The following JAKMIP1 variants were observed in gnomAD, a reference collection of about 807,000 sequenced individuals.
The protein encoded by JAKMIP1 is janus kinase and microtubule interacting protein 1.
A neutral mutation model predicts 113.0 loss-of-function variants in JAKMIP1; 33 were observed. That is an observed-to-expected ratio of 0.29 (90% CI 0.22 to 0.39). JAKMIP1 has a LOEUF of 0.39. Ranked by LOEUF, JAKMIP1 falls within the 10% of genes least tolerant of loss-of-function variation. The pLI, the probability that JAKMIP1 is intolerant of heterozygous loss-of-function variation, is 1.00. For missense variants in JAKMIP1, 813 were observed against 1,080.5 expected, an observed-to-expected ratio of 0.75 and a Z score of 3.47; for synonymous variants, 480 against 459.9, an observed-to-expected ratio of 1.04 and a Z score of -0.56.
chr4:6,092,393 C>T (rs1221264653), intron 3 of JAKMIP1, among the ~76,000 whole-genome samples: 2 of 152,198 alleles, frequency 1.3e-5, no homozygotes, highest in African/African-American at 2.4e-5. Context: ...GCTTGTGTAC[C>T]GATGCCCAGA....
chr4:6,179,642 G>A lies in JAKMIP1; in HGVS notation c.-148+20611C>T, dbSNP rs150232323. Among the ~76,000 whole-genome samples, 517 of 152,318 alleles carry A rather than the reference G, an allele frequency of 3.4e-3. 8 individuals carry two copies. Among genetic ancestry groups the A allele is most frequent in the African/African-American group, 0.012 (484 of 41,556 alleles). On this transcript the variant is annotated intron_variant, in intron 1 of 20. Coordinates refer to ENST00000409021, the MANE Select transcript of JAKMIP1 (RefSeq NM_001099433.2). This position sits in a 1 kb window ranked among gnomAD's most constrained non-coding sequence, Gnocchi z 4.5. ...AGGGAAGTGGCCCAGCAGTGGCCCT[G>A]AGTCAGGCTGCATGGGTCTCTTGGG...
rs114013119 is a variant in JAKMIP1 at position 6,153,974 on chromosome 4, C to T, written c.-147-40977G>A. 7.4e-3 allele frequency among the ~76,000 whole-genome samples: 1,132 copies of T among 152,330 alleles called. 4 individuals are homozygous for T. Among genetic ancestry groups the T allele is most frequent in the Middle Eastern group, 0.024 (7 of 294 alleles). On this transcript the variant is annotated intron_variant, in intron 1 of 20. Transcript: ENST00000409021. This position sits in a 1 kb window ranked among gnomAD's most constrained non-coding sequence, Gnocchi z 4.9. ...TCTGGATCCTGCCTCTTACTTGTCA[C>T]AGAGTCTGCCCAGGTCTTGTATGCG...
Position 6,195,619 on chromosome 4 carries a change from G to A in JAKMIP1, c.-148+4634C>T, listed in dbSNP as rs138475445. ...CCCCACAAAAGAACATGGGCTTCTT[G>A]GCTTCAAATCCCTGCTCTGGAACAT... On this transcript the variant is annotated intron_variant, in intron 1 of 20. Transcript: ENST00000409021. Among the ~76,000 whole-genome samples, 1,234 of 152,196 alleles carry A rather than the reference G, an allele frequency of 8.1e-3. 5 individuals carry two copies. The highest frequency in any genetic ancestry group is 0.012 in the Non-Finnish European group (824 of 68,002).
chr4:6,080,060 A>G lies in JAKMIP1; in HGVS notation c.1242+112T>C, dbSNP rs1720277647. The G allele has an allele frequency of 1.6e-6, 2 of 1,280,192 alleles. No homozygotes were observed. The highest frequency in any genetic ancestry group is 1.1e-6 in the Non-Finnish European group (1 of 942,590). The allele number at this position is 1,280,192 out of a possible 1,614,324, so 79.3% of individuals were successfully genotyped here. The stretch of plus-strand genomic sequence containing the variant: ...TGAGTCCCAAAGTCAGCACTGCCTG[A>G]CCCTGACCCAGCTCAGCAGCATCAC... On this transcript the variant is annotated intron_variant, in intron 7 of 20. Transcript: ENST00000409021. The surrounding 1 kb of genome is among the most constrained non-coding windows in gnomAD (Gnocchi z 6.0).
chr4:6,125,598 A>AACACACAC lies in JAKMIP1; in HGVS notation c.-147-12609_-147-12602dup, dbSNP rs111906803. 2.0e-3 allele frequency among the ~76,000 whole-genome samples: 220 copies of AACACACAC among 112,108 alleles called. 3 individuals are homozygous for AACACACAC. The highest frequency in any genetic ancestry group is 6.9e-3 in the African/African-American group (212 of 30,528). The allele number at this position is 112,108 out of a possible 152,430, so 73.5% of individuals were successfully genotyped here. A position where few individuals can be genotyped will look rare whatever the true frequency, so the allele number is the denominator to read the frequency against. On this transcript the variant is annotated intron_variant, in intron 1 of 20. Transcript: ENST00000409021. ...ACACACACCATACACACCATGCAGA[A>AACACACAC]ACACACACACACACACACCATACAG...
intron 1 of JAKMIP1, among the ~76,000 whole-genome samples, chr4:6,170,259 T>TCACCAC (rs764382555): frequency 1.7e-5 from 2 of 120,136 alleles, no homozygotes; most frequent in Admixed American, 8.1e-5. Flanking sequence ...CCCACCCTTC[T>TCACCAC]CACCACCACC....
chr4:6,066,966 CAT>C (rs1052501370), intron 8 of JAKMIP1, among the ~76,000 whole-genome samples: 1 of 152,168 alleles, frequency 6.6e-6, no homozygotes, highest in African/African-American at 2.4e-5. Flanking sequence ...CCAGAATCCA[CAT>C]GTCTCCTTCC....
In JAKMIP1 at chr4:6,185,331, T is replaced by C. The variant is rs1209946209; in HGVS notation, c.-148+14922A>G. Among the ~76,000 whole-genome samples, 1 of 152,124 alleles carries C rather than the reference T, an allele frequency of 6.6e-6. No homozygotes were observed. Among genetic ancestry groups the C allele is most frequent in the Non-Finnish European group, 1.5e-5 (1 of 68,028 alleles). On this transcript the variant is annotated intron_variant, in intron 1 of 20. Transcript: ENST00000409021. This position sits in a 1 kb window ranked among gnomAD's most constrained non-coding sequence, Gnocchi z 5.3. The stretch of plus-strand genomic sequence containing the variant: ...TCTTAAACTGGAGAGTGTATTGGAA[T>C]TGCTCCGAGGGCTCATTAAAAGCCA...
rs1439872205 is a variant in JAKMIP1 at position 6,144,099 on chromosome 4, G to T, written c.-147-31102C>A. 2.0e-5 allele frequency among the ~76,000 whole-genome samples: 3 copies of T among 152,128 alleles called. No individual in the cohort carries two copies. In the East Asian group the frequency reaches 5.8e-4, roughly 29 times the overall value. ...CTTTGGACAAACCATAGGCCTTTCTGGCCCCCACATCCTGTATGTTAAAAA... is the reference window on the plus strand; with the variant it reads ...CTTTGGACAAACCATAGGCCTTTCTTGCCCCCACATCCTGTATGTTAAAAA... On this transcript the variant is annotated intron_variant, in intron 1 of 20. Transcript: ENST00000409021.
chr4:6,173,334 T>G (rs1474459940), intron 1 of JAKMIP1, among the ~76,000 whole-genome samples: 1 of 152,234 alleles, frequency 6.6e-6, no homozygotes, highest in African/African-American at 2.4e-5. Flanking sequence ...AAAATTGGTC[T>G]GCAAGCAAAG....
intron 1 of JAKMIP1, among the ~76,000 whole-genome samples, chr4:6,120,804 A>G (rs1425965176): frequency 2.0e-5 from 3 of 151,986 alleles, no homozygotes; most frequent in Non-Finnish European, 4.4e-5. Context: ...CCAAGTGGAG[A>G]CTCAGAGGCT....
In JAKMIP1 at chr4:6,167,957, C is replaced by A. The variant is rs1479257921; in HGVS notation, c.-148+32296G>T. ...TCTCCCAGAGCTGACAGCATGCAGACAATGAGGAGTCCGCCCATCCTCCAC... is the reference window on the plus strand; with the variant it reads ...TCTCCCAGAGCTGACAGCATGCAGAAAATGAGGAGTCCGCCCATCCTCCAC... On this transcript the variant is annotated intron_variant, in intron 1 of 20. Transcript: ENST00000409021. The surrounding 1 kb of genome is among the most constrained non-coding windows in gnomAD (Gnocchi z 5.3). 1.3e-5 allele frequency among the ~76,000 whole-genome samples: 2 copies of A among 152,210 alleles called. No homozygotes were observed. The highest frequency in any genetic ancestry group is 2.9e-5 in the Non-Finnish European group (2 of 68,038).
intron 1 of JAKMIP1, among the ~76,000 whole-genome samples, chr4:6,125,928 A>AAC (rs144496672): frequency 2.2e-5 from 1 of 45,106 alleles, no homozygotes; most frequent in Non-Finnish European, 4.7e-5. Flanking sequence ...ACCATGCAGA[A>AAC]ACACACACAC....
chr4:6,113,027 G>T, intron 1 of JAKMIP1, 30 bp from the exon 2 acceptor site: 1 of 1,000,104 alleles, frequency 1.0e-6, no homozygotes, highest in Non-Finnish European at 1.4e-6. Flanking sequence ...TGAGTTAGCA[G>T]AGACAGAAGG....
intron 1 of JAKMIP1, among the ~76,000 whole-genome samples, chr4:6,190,725 C>T (rs1254755058): frequency 4.6e-5 from 7 of 152,348 alleles, no homozygotes; most frequent in Admixed American, 2.6e-4. Flanking sequence ...AGTTGCCCCC[C>T]GGCATCTCTC....
chr4:6,161,121 T>TCTCCCCTGATCTCCACTCAC (rs1560298176), intron 1 of JAKMIP1, among the ~76,000 whole-genome samples: 1 of 110,678 alleles, frequency 9.0e-6, no homozygotes, highest in Non-Finnish European at 1.8e-5. Flanking sequence ...TCTCCACTCA[T>TCTCCCCTGATCTCCACTCAC]CTCCCCTGAT....
At position 6,081,978 on chromosome 4, in the gene JAKMIP1, T is replaced by C. The variant is rs547521829; in HGVS notation, c.955-223A>G. On this transcript the variant is annotated intron_variant, in intron 5 of 20. Coordinates refer to ENST00000409021, the MANE Select transcript of JAKMIP1 (RefSeq NM_001099433.2). This position sits in a 1 kb window ranked among gnomAD's most constrained non-coding sequence, Gnocchi z 4.6. ...CGGCAGCTCCTGTCTCCTAGGCACA[T>C]GGTGAGAATTGAATGCATAGTGGTA... Among the ~76,000 whole-genome samples the C allele has an allele frequency of 3.3e-5, 5 of 152,290 alleles. No homozygotes were observed. The highest frequency in any genetic ancestry group is 4.8e-5 in the African/African-American group (2 of 41,566).
rs1211190808 is a variant in JAKMIP1, at chr4:6,081,079, T to A, written c.1101+530A>T. On this transcript the variant is annotated intron_variant, in intron 6 of 20. Coordinates refer to ENST00000409021, the MANE Select transcript of JAKMIP1 (RefSeq NM_001099433.2). The surrounding 1 kb of genome is among the most constrained non-coding windows in gnomAD (Gnocchi z 4.6). The stretch of plus-strand genomic sequence containing the variant: ...GACAGAGCCTCCGTCTTCCCGGCTG[T>A]GAAGTGGGGGTTGATACTACTCTGA... Among the ~76,000 whole-genome samples the A allele has an allele frequency of 6.6e-6, 1 of 151,658 alleles. No homozygotes were observed. Among genetic ancestry groups the A allele is most frequent in the African/African-American group, 2.4e-5 (1 of 41,168 alleles).
rs897174011 is a variant in JAKMIP1 at position 6,184,341 on chromosome 4, C to T, written c.-148+15912G>A. 3.9e-5 allele frequency among the ~76,000 whole-genome samples: 6 copies of T among 152,134 alleles called. No individual in the cohort carries two copies. The highest frequency in any genetic ancestry group is 1.3e-4 in the Admixed American group (2 of 15,266). On this transcript the variant is annotated intron_variant, in intron 1 of 20. Transcript: ENST00000409021. The surrounding 1 kb of genome is among the most constrained non-coding windows in gnomAD (Gnocchi z 4.5). ...GCACCACAGCCAGGAAGGGGGCATG[C>T]CTCGAACACACGCCTCCCTACTCCC...
Sources: gnomAD v4.1 joint callset for allele counts (sites outside exome capture counted in the v4.1 genomes callset) on GRCh38, gnomAD v4.1.1 for gene constraint, Gnocchi (gnomAD v3.1) non-coding constraint, MANE v1.5 for transcripts, NCBI Gene and HGNC (gene_info 2026-07-23, HGNC 2026-07-21) for gene names.